Variants in ZNF385D observed in about 807,000 individuals in gnomAD.
ZNF385D encodes zinc finger protein 385D.
A neutral mutation model predicts 35.8 loss-of-function variants in ZNF385D; 15 were observed. The ratio of observed to expected loss-of-function variants is 0.42; its 90% confidence interval spans 0.28 to 0.64. The LOEUF is 0.64. Among genes scored for constraint, ZNF385D ranks in the 30% least tolerant of loss-of-function variants. The pLI, the probability that ZNF385D is intolerant of heterozygous loss-of-function variation, is 0.23. For missense variants in ZNF385D, 474 were observed against 494.6 expected, an observed-to-expected ratio of 0.96 and a Z score of 0.39; for synonymous variants, 212 against 186.8, an observed-to-expected ratio of 1.13 and a Z score of -1.10.
intron 2 of ZNF385D, among the ~76,000 whole-genome samples, chr3:21,642,304 C>T (rs2065631501): frequency 6.6e-6 from 1 of 152,054 alleles, no homozygotes; most frequent in Admixed American, 6.6e-5. Flanking sequence ...AAGCCCTTCT[C>T]TTTATTTAGC....
chr3:21,784,634 TTTAA>T (rs144730420), intron 3 of ZNF385D, among the ~76,000 whole-genome samples: 10,468 of 151,812 alleles, frequency 0.069, 575 homozygotes, highest in East Asian at 0.31. Context: ...TAAATAGTAC[TTTAA>T]TTAATTAATT....
intron 3 of ZNF385D, among the ~76,000 whole-genome samples, chr3:21,526,759 A>G (rs934648306): frequency 6.6e-5 from 10 of 152,182 alleles, no homozygotes; most frequent in African/African-American, 2.2e-4. Flanking sequence ...AGATTTTGAA[A>G]ACAATAGATT....
At chr3:22,030,050 G>A (rs1697838717) in intron 3 of ZNF385D, among the ~76,000 whole-genome samples, 1 of 151,122 alleles carries the variant, frequency 6.6e-6, no homozygotes, top group Non-Finnish European at 1.5e-5. Flanking sequence ...CAAATATAAA[G>A]CATGCAGAAA....
In ZNF385D at chr3:21,522,361, A is replaced by G. The variant is rs191279741; in HGVS notation, c.277-11338T>C. On this transcript the variant is annotated intron_variant, in intron 3 of 7. Coordinates refer to ENST00000281523, the MANE Select transcript of ZNF385D (RefSeq NM_024697.3). Reference sequence around the variant, plus strand: ...TGTTTTAACTTTTTTTTTTTGAGCAAGAGTCTCACTCTGTCACCCAGGCTA... The same window carrying G: ...TGTTTTAACTTTTTTTTTTTGAGCAGGAGTCTCACTCTGTCACCCAGGCTA... 4.6e-3 allele frequency among the ~76,000 whole-genome samples: 695 copies of G among 152,120 alleles called. 2 individuals carry two copies. Among genetic ancestry groups the G allele is most frequent in the Non-Finnish European group, 5.6e-3 (378 of 67,988 alleles).
At chr3:21,896,628 C>A (rs1298464190) in intron 3 of ZNF385D, among the ~76,000 whole-genome samples, 1 of 152,024 alleles carries the variant, frequency 6.6e-6, no homozygotes, top group African/African-American at 2.4e-5. Context: ...GATTGTGGTA[C>A]AAATTGTGTG....
rs1394265779 is a variant in ZNF385D, at chr3:22,121,506, G to C, written c.325+47311C>G. ...TTAAAATGGTAACCTGTTAAAATGA[G>C]AAAGGACAAACGCTTTGAGTTGGTG... On this transcript the variant is annotated intron_variant, in intron 3 of 5. Coordinates refer to the ZNF385D transcript ENST00000494108. Among the ~76,000 whole-genome samples the C allele has an allele frequency of 3.3e-5, 5 of 152,252 alleles. No individual in the cohort carries two copies. The East Asian group carries it at 9.7e-4, about 29-fold the overall frequency.
chr3:21,818,339 A>G (rs2073243987), intron 3 of ZNF385D, among the ~76,000 whole-genome samples: 1 of 152,220 alleles, frequency 6.6e-6, no homozygotes, highest in South Asian at 2.1e-4. Flanking sequence ...TAATAACAAA[A>G]GATACTTAAG....
chr3:21,572,117 G>T (rs1434837640), intron 2 of ZNF385D, among the ~76,000 whole-genome samples: 1 of 152,034 alleles, frequency 6.6e-6, no homozygotes, highest in Non-Finnish European at 1.5e-5. Context: ...CTGGTGACTG[G>T]ACCCCATCCT....
chr3:21,434,035 T>C (rs796508475), intron 5 of ZNF385D, among the ~76,000 whole-genome samples: 6 of 152,294 alleles, frequency 3.9e-5, no homozygotes, highest in African/African-American at 1.4e-4. Context: ...CATTAGGTTA[T>C]AAATTAACAA....
intron 3 of ZNF385D, among the ~76,000 whole-genome samples, chr3:21,867,082 G>T (rs57162917): frequency 0.033 from 5,011 of 152,190 alleles, 267 homozygotes; most frequent in African/African-American, 0.11. Context: ...CTGAGATACG[G>T]TGTCTAGTGA....
rs543138588 is a variant in ZNF385D at position 21,932,166 on chromosome 3, C to CAAAAAAAAAAAAAAAAA, written c.325+236634_325+236650dup. The stretch of plus-strand genomic sequence containing the variant: ...TGGGCGAAAGAGCAAGACTCATTCT[C>CAAAAAAAAAAAAAAAAA]AAAAAAAAAAAAAAAAAAAAAAAAA... On this transcript the variant is annotated intron_variant, in intron 3 of 5. Coordinates refer to the ZNF385D transcript ENST00000494108. Among the ~76,000 whole-genome samples the CAAAAAAAAAAAAAAAAA allele has an allele frequency of 6.1e-4, 34 of 55,338 alleles. 3 individuals carry two copies. Among genetic ancestry groups the CAAAAAAAAAAAAAAAAA allele is most frequent in the Non-Finnish European group, 8.9e-4 (29 of 32,408 alleles). The allele number at this position is 55,338 out of a possible 152,430, so 36.3% of individuals were successfully genotyped here.
chr3:22,018,315 C>A (rs541477999), intron 3 of ZNF385D, among the ~76,000 whole-genome samples: 1 of 151,752 alleles, frequency 6.6e-6, no homozygotes, highest in African/African-American at 2.4e-5. Context: ...ACTGTGGATA[C>A]TCTGTTAACA....
At chr3:21,618,814 A>G (rs2064921943) in intron 2 of ZNF385D, among the ~76,000 whole-genome samples, 1 of 152,168 alleles carries the variant, frequency 6.6e-6, no homozygotes, top group African/African-American at 2.4e-5. Flanking sequence ...ACTTAACTGC[A>G]AACTTGCTTT....
Position 22,196,254 on chromosome 3 carries a change from T to C in ZNF385D, c.107-27219A>G, listed in dbSNP as rs148074389. ...AGCTATGCATGTAGGTTTTGAGTAT[T>C]CTTATCTGCATTCTTATTGCTATAC... is the stretch of plus-strand genomic sequence containing the variant. On this transcript the variant is annotated intron_variant, in intron 2 of 5. Coordinates refer to the ZNF385D transcript ENST00000494108. Among the ~76,000 whole-genome samples the C allele has an allele frequency of 6.6e-3, 1,006 of 152,210 alleles. 13 individuals carry two copies. Among genetic ancestry groups the C allele is most frequent in the African/African-American group, 0.023 (951 of 41,562 alleles).
At chr3:21,482,205 G>T (rs1704676738) in intron 4 of ZNF385D, among the ~76,000 whole-genome samples, 2 of 152,058 alleles carry the variant, frequency 1.3e-5, no homozygotes, top group African/African-American at 4.8e-5. Flanking sequence ...ACATTCACAT[G>T]GTTGACTCCT....
chr3:21,729,702 C>A (rs2068910745), intron 1 of ZNF385D, among the ~76,000 whole-genome samples: 1 of 152,072 alleles, frequency 6.6e-6, no homozygotes, highest in Non-Finnish European at 1.5e-5. Context: ...CAGCAAAAGC[C>A]CAGAAAGCTA....
At chr3:22,092,390 C>G (rs1329200468) in intron 3 of ZNF385D, among the ~76,000 whole-genome samples, 1 of 152,146 alleles carries the variant, frequency 6.6e-6, no homozygotes, top group Non-Finnish European at 1.5e-5. Flanking sequence ...TTTGCAGGGC[C>G]AGCTCCAGGT....
chr3:21,901,714 G>C (rs564954853), intron 3 of ZNF385D, among the ~76,000 whole-genome samples: 2 of 152,198 alleles, frequency 1.3e-5, no homozygotes, highest in African/African-American at 4.8e-5. Context: ...TTACGTGTTC[G>C]ACCAATGTAT....
intron 3 of ZNF385D, among the ~76,000 whole-genome samples, chr3:21,860,884 A>G (rs1285194151): frequency 6.6e-6 from 1 of 152,122 alleles, no homozygotes; most frequent in Non-Finnish European, 1.5e-5. Flanking sequence ...GGCAGACTGT[A>G]ATAACATCCA....
Sources: gnomAD v4.1 joint callset for allele counts (sites outside exome capture counted in the v4.1 genomes callset) on GRCh38, gnomAD v4.1.1 for gene constraint, MANE v1.5 for transcripts, NCBI Gene and HGNC (gene_info 2026-07-23, HGNC 2026-07-21) for gene names.